The following TASOR2 variants were observed in gnomAD, a reference collection of about 807,000 sequenced individuals.
TASOR2 encodes the protein transcription activation suppressor family member 2, also known as protein TASOR 2.
TASOR2 carries 84 observed loss-of-function variants against 199.5 expected under a neutral mutation model. The observed-to-expected ratio is 0.42, with a 90% CI of 0.35 to 0.50. The LOEUF (loss-of-function observed/expected upper bound fraction) is 0.50, where lower values mean the gene tolerates loss of function less well. Ranked by LOEUF, TASOR2 falls within the 20% of genes least tolerant of loss-of-function variation. The probability of loss-of-function intolerance (pLI) is 0.02; values close to 1 mark genes in which losing one functional copy is unlikely to be tolerated. For synonymous variants in TASOR2, 1,103 were observed against 1,046.6 expected (o/e 1.05, Z -1.04); for missense variants, 2,796 against 2,835.9 (o/e 0.99, Z 0.32).
chr10:5,735,327 T>G (rs2131602752), exon 12 of TASOR2: 1 of 1,613,988 alleles, frequency 6.2e-7, no homozygotes, highest in Non-Finnish European at 8.5e-7. Context: ...GACTGCACAG[T>G]TTGTACAGAA....
rs1835973023 is a variant in TASOR2, at chr10:5,687,940, A to G, written c.-288+2765A>G. On this transcript the variant is annotated intron_variant, in intron 1 of 20. Transcript: ENST00000328090. This position sits in a 1 kb window ranked among gnomAD's most constrained non-coding sequence, Gnocchi z 4.8. ...TGTTTATTTATTGGTACCTTTAAAT[A>G]TAATAACCCATTACATCTTAACATA... is the stretch of plus-strand genomic sequence containing the variant. Among the ~76,000 whole-genome samples, 1 of 152,262 alleles carries G rather than the reference A, an allele frequency of 6.6e-6. No homozygotes were observed. The highest frequency in any genetic ancestry group is 2.4e-5 in the African/African-American group (1 of 41,470).
At chr10:5,747,417 A>C in exon 15 of TASOR2, 1 of 1,614,212 alleles carries the variant, frequency 6.2e-7, no homozygotes, top group Non-Finnish European at 8.5e-7. Context: ...TGGCTCTCAC[A>C]GAAAGCAGAG....
chr10:5,732,824 C>T (rs1259617205), intron 11 of TASOR2, among the ~76,000 whole-genome samples: 1 of 152,212 alleles, frequency 6.6e-6, no homozygotes, highest in Non-Finnish European at 1.5e-5. Flanking sequence ...AGGCGTCAGC[C>T]ACTGTACCCA....
rs114952405 is a variant in TASOR2, at chr10:5,761,727, G to A, written c.7174+256G>A. 2.8e-5 allele frequency: 9 copies of A among 320,034 alleles called. No homozygotes were observed. The East Asian group carries it at 4.1e-4, about 15-fold the overall frequency. The allele number at this position is 320,034 out of a possible 1,614,324, so 19.8% of individuals were successfully genotyped here. A position where few individuals can be genotyped will look rare whatever the true frequency, so the allele number is the denominator to read the frequency against. On this transcript the variant is annotated intron_variant, in intron 19 of 20. Coordinates refer to ENST00000328090, the Ensembl canonical transcript of TASOR2. ...TCAATACAGTATAAGTAGTTATACC[G>A]TATTATTTTTTAAATCAATACTGGG... is the stretch of plus-strand genomic sequence containing the variant.
At position 5,690,616 on chromosome 10, in the gene TASOR2, A is replaced by G. The variant is rs1388607812; in HGVS notation, c.-288+5441A>G. Among the ~76,000 whole-genome samples, 6 of 152,230 alleles carry G rather than the reference A, an allele frequency of 3.9e-5. No homozygotes were observed. The highest frequency in any genetic ancestry group is 3.9e-4 in the Admixed American group (6 of 15,288). On this transcript the variant is annotated intron_variant, in intron 1 of 20. Coordinates refer to ENST00000328090, the Ensembl canonical transcript of TASOR2. This position sits in a 1 kb window ranked among gnomAD's most constrained non-coding sequence, Gnocchi z 4.8. ...ACGTTCTCTTTTGCCATATGTAATA[A>G]TCAAGAGTACCCAAAAGTGGGTCTT...
At chr10:5,726,226 T>G (rs1461438627) in intron 8 of TASOR2, among the ~76,000 whole-genome samples, 3 of 152,208 alleles carry the variant, frequency 2.0e-5, no homozygotes, top group Non-Finnish European at 4.4e-5. Context: ...TTAGACAACT[T>G]CTGCTGCCTG....
chr10:5,714,068 A>AAG, intron 2 of TASOR2, 67 bp from the exon 3 acceptor site: 2 of 865,022 alleles, frequency 2.3e-6, no homozygotes, highest in Non-Finnish European at 3.1e-6. Context: ...TAAAAAAAAA[A>AAG]ACCTTACAGA....
Position 5,748,643 on chromosome 10 carries a change from CAAAG to C in TASOR2, c.5223_5226del (p.Lys1742SerfsTer3). ...CTGCAAGATGTGTCAACATGTGAAA[CAAAG>C]GAGCTATTGAATGTCGGGGTTTCCT... On this transcript the variant is annotated frameshift_variant, in exon 15 of 21. Coordinates refer to ENST00000328090, the Ensembl canonical transcript of TASOR2. LOFTEE classifies it high-confidence loss of function. The surrounding 1 kb of genome is among the most constrained non-coding windows in gnomAD (Gnocchi z 5.1). 2.5e-6 allele frequency: 4 copies of C among 1,614,218 alleles called. No individual in the cohort carries two copies. The highest frequency in any genetic ancestry group is 3.4e-6 in the Non-Finnish European group (4 of 1,180,040).
chr10:5,724,535 T>TGATGCTTACC lies in TASOR2; in HGVS notation c.351+2_351+3insGATGCTTACC. On this transcript the variant is annotated splice_region_variant and intron_variant, in intron 8 of 20. Coordinates refer to ENST00000328090, the Ensembl canonical transcript of TASOR2. ...GAATGTATTAAAAACAAGCAATTGG[T>TGATGCTTACC]AAGCATCACTAATTTAAAATATAAT... 7.7e-7 allele frequency: 1 copy of TGATGCTTACC among 1,298,710 alleles called. No homozygotes were observed. Among genetic ancestry groups the TGATGCTTACC allele is most frequent in the Non-Finnish European group, 1.0e-6 (1 of 977,014 alleles). 80.4% of individuals were successfully genotyped at this position (1,298,710 alleles called of 1,614,324 possible).
chr10:5,685,854 T>C lies in TASOR2; in HGVS notation c.-288+679T>C, dbSNP rs527534508. Among the ~76,000 whole-genome samples the C allele has an allele frequency of 2.0e-4, 30 of 152,252 alleles. No homozygotes were observed. Among genetic ancestry groups the C allele is most frequent in the Admixed American group, 2.6e-4 (4 of 15,290 alleles). ...AACTTTAAACAAACCACGCTTACTC[T>C]TCCTTATTCTCCCTGTAAGGTACAA... On this transcript the variant is annotated intron_variant, in intron 1 of 20. Coordinates refer to ENST00000328090, the Ensembl canonical transcript of TASOR2. The surrounding 1 kb of genome is among the most constrained non-coding windows in gnomAD (Gnocchi z 5.4).
intron 8 of TASOR2, 128 bp from the exon 10 acceptor site, chr10:5,726,757 C>T (rs1834103430): frequency 1.4e-6 from 1 of 738,424 alleles, no homozygotes; most frequent in Non-Finnish European, 2.3e-6. Context: ...CAGAATTACC[C>T]TGATTCCCAT....
rs1831711676 is a variant in TASOR2 at position 5,710,044 on chromosome 10, GT to G, written c.-287-2776del. Among the ~76,000 whole-genome samples, 1 of 152,122 alleles carries G rather than the reference GT, an allele frequency of 6.6e-6. No homozygotes were observed. Among genetic ancestry groups the G allele is most frequent in the African/African-American group, 2.4e-5 (1 of 41,428 alleles). ...TTTTCATAGTCTGGTAATCTTGAAT[GT>G]TTAAATAAAGCTTGAGCATTGCTCA... On this transcript the variant is annotated intron_variant, in intron 1 of 20. Coordinates refer to ENST00000328090, the Ensembl canonical transcript of TASOR2. The surrounding 1 kb of genome is among the most constrained non-coding windows in gnomAD (Gnocchi z 4.6).
Position 5,754,330 on chromosome 10 carries a change from A to G in TASOR2, c.6607-2283A>G, listed in dbSNP as rs1339623222. ...TCTCACTTCCTTTCCAGATGAAGTG[A>G]TAATGATTTTCATGAAGAAGAGAGC... On this transcript the variant is annotated intron_variant, in intron 15 of 20. Transcript: ENST00000328090. This position sits in a 1 kb window ranked among gnomAD's most constrained non-coding sequence, Gnocchi z 4.3. Among the ~76,000 whole-genome samples the G allele has an allele frequency of 6.6e-6, 1 of 152,068 alleles. No homozygotes were observed. Among genetic ancestry groups the G allele is most frequent in the Non-Finnish European group, 1.5e-5 (1 of 68,008 alleles).
At chr10:5,761,240 C>G (rs1044286124) in intron 18 of TASOR2, 50 bp from the exon 20 acceptor site, 2 of 1,512,654 alleles carry the variant, frequency 1.3e-6, no homozygotes, top group African/African-American at 1.4e-5. Flanking sequence ...AGAAAAAGTC[C>G]TAAGAATAAA....
chr10:5,759,310 A>G lies in TASOR2; in HGVS notation c.6992+318A>G, dbSNP rs187019585. Among the ~76,000 whole-genome samples the G allele has an allele frequency of 3.2e-3, 495 of 152,312 alleles. 1 individual carries two copies. Among genetic ancestry groups the G allele is most frequent in the Non-Finnish European group, 3.2e-3 (220 of 68,026 alleles). On this transcript the variant is annotated intron_variant, in intron 18 of 20. Transcript: ENST00000328090. Reference sequence around the variant, plus strand: ...ACTTGTACCATTAATGCTTTTTTGGATACTTATAAGTTGCCACCACTTTAA... The same window carrying G: ...ACTTGTACCATTAATGCTTTTTTGGGTACTTATAAGTTGCCACCACTTTAA...
rs372853307 is a variant in TASOR2 at position 5,710,170 on chromosome 10, A to C, written c.-287-2653A>C. ...ATTTTGTAAAGAAGGGAGAGCGTCA[A>C]ATTTCTAGATGAAATTTTCATCTGT... On this transcript the variant is annotated intron_variant, in intron 1 of 20. Transcript: ENST00000328090. This position sits in a 1 kb window ranked among gnomAD's most constrained non-coding sequence, Gnocchi z 4.6. 2.6e-5 allele frequency among the ~76,000 whole-genome samples: 4 copies of C among 152,086 alleles called. No homozygotes were observed. Among genetic ancestry groups the C allele is most frequent in the Admixed American group, 6.5e-5 (1 of 15,272 alleles).
At chr10:5,715,233 TA>T (rs35302172) in intron 2 of TASOR2, among the ~76,000 whole-genome samples, 93,158 of 140,702 alleles carry the variant, frequency 0.66, 29,683 homozygotes, top group African/African-American at 0.78. Flanking sequence ...TTTTTTTTTT[TA>T]AAAAAAAACT....
In TASOR2 at chr10:5,754,893, G is replaced by T. The variant is rs1315799590; in HGVS notation, c.6607-1720G>T. Among the ~76,000 whole-genome samples the T allele has an allele frequency of 6.6e-6, 1 of 151,264 alleles. No homozygotes were observed. The highest frequency in any genetic ancestry group is 2.4e-5 in the African/African-American group (1 of 41,196). ...CCCATCTCTACTAAAAATACAAAAA[G>T]AAATTAGCTGGGCGTGGTGGCGGGT... On this transcript the variant is annotated intron_variant, in intron 15 of 20. Transcript: ENST00000328090. The surrounding 1 kb of genome is among the most constrained non-coding windows in gnomAD (Gnocchi z 4.3).
chr10:5,747,794 C>A, exon 15 of TASOR2: 1 of 1,613,898 alleles, frequency 6.2e-7, no homozygotes, highest in African/African-American at 1.3e-5. Context: ...TTTGTTGGTC[C>A]TACCCATCCA....
Sources: allele counts gnomAD v4.1 joint callset (sites outside exome capture counted in the v4.1 genomes callset), GRCh38; gene constraint gnomAD v4.1.1; non-coding constraint Gnocchi (gnomAD v3.1); transcripts MANE v1.5; gene names NCBI Gene and HGNC (gene_info 2026-07-23, HGNC 2026-07-21).